The following KIF16B variants were observed in gnomAD, a reference collection of about 807,000 sequenced individuals.
The protein encoded by KIF16B is kinesin family member 16B, also known as kinesin-like protein KIF16B.
In KIF16B, 98 loss-of-function variants were observed where a neutral mutation model predicts 156.3. That is an observed-to-expected ratio of 0.63 (90% CI 0.53 to 0.74). KIF16B has a LOEUF of 0.74. KIF16B is among the 30% of genes least tolerant of loss of function. The pLI, the probability that KIF16B is intolerant of heterozygous loss-of-function variation, is 0.00. For synonymous variants in KIF16B, 564 were observed against 583.7 expected (o/e 0.97, Z 0.49); for missense variants, 1,421 against 1,606.5 (o/e 0.88, Z 1.97).
chr20:16,313,706 A>G (rs961185402), intron 24 of KIF16B, among the ~76,000 whole-genome samples: 7 of 151,874 alleles, frequency 4.6e-5, no homozygotes, highest in Non-Finnish European at 5.9e-5. Context: ...TTTTGTGTCT[A>G]CCTCCTTTTG....
At chr20:16,290,529 A>G (rs955603761) in intron 25 of KIF16B, among the ~76,000 whole-genome samples, 3 of 152,182 alleles carry the variant, frequency 2.0e-5, no homozygotes, top group Non-Finnish European at 2.9e-5. Flanking sequence ...ATACCAGGAG[A>G]GATAACCTGC....
At chr20:16,471,501 G>A (rs1224255085) in intron 12 of KIF16B, among the ~76,000 whole-genome samples, 2 of 152,144 alleles carry the variant, frequency 1.3e-5, no homozygotes, top group East Asian at 3.8e-4. Context: ...ATTTGAATCT[G>A]CCTCACAATG....
At chr20:16,431,386 C>T (rs561780713) in intron 12 of KIF16B, among the ~76,000 whole-genome samples, 1 of 152,294 alleles carries the variant, frequency 6.6e-6, no homozygotes, top group Admixed American at 6.5e-5. Flanking sequence ...CTCACTCACT[C>T]TCATCTTCTG....
At chr20:16,339,459 T>C (rs2064102021) in intron 23 of KIF16B, among the ~76,000 whole-genome samples, 1 of 152,140 alleles carries the variant, frequency 6.6e-6, no homozygotes, top group Admixed American at 6.5e-5. Context: ...ACTGCTTTGG[T>C]GACCTCATCC....
intron 23 of KIF16B, among the ~76,000 whole-genome samples, chr20:16,346,082 C>A (rs911799090): frequency 2.6e-5 from 4 of 152,198 alleles, no homozygotes; most frequent in Admixed American, 2.6e-4. Context: ...ATGTCCGCAA[C>A]TGTGTAACAG....
chr20:16,368,759 C>G, intron 22 of KIF16B: 2 of 985,870 alleles, frequency 2.0e-6, no homozygotes, highest in Non-Finnish European at 2.4e-6. Context: ...TGGGAAATGC[C>G]TTCAGACAGA....
At chr20:16,503,026 T>C (rs1166280572) in intron 10 of KIF16B, among the ~76,000 whole-genome samples, 3 of 152,078 alleles carry the variant, frequency 2.0e-5, no homozygotes, top group African/African-American at 7.2e-5. Flanking sequence ...ACCAGACTGG[T>C]CACGTCGTGA....
At chr20:16,448,329 C>T (rs760017323) in intron 12 of KIF16B, among the ~76,000 whole-genome samples, 12 of 151,934 alleles carry the variant, frequency 7.9e-5, no homozygotes, top group African/African-American at 2.2e-4. Flanking sequence ...GATGCTTCCA[C>T]GTATTATGGA....
At chr20:16,482,373 G>A (rs1035305061) in intron 12 of KIF16B, among the ~76,000 whole-genome samples, 22 of 152,144 alleles carry the variant, frequency 1.4e-4, no homozygotes, top group Non-Finnish European at 2.6e-4. Flanking sequence ...TGATACAAAC[G>A]GAGGGCAAGT....
intron 23 of KIF16B, among the ~76,000 whole-genome samples, chr20:16,345,960 T>C (rs572789680): frequency 6.6e-6 from 1 of 152,364 alleles, no homozygotes; most frequent in South Asian, 2.1e-4. Context: ...CTTCTCCTTC[T>C]GGGGAGCCCA....
In KIF16B at chr20:16,573,038, C is replaced by T. The variant is rs1266403265; in HGVS notation, c.47+191G>A. ...TCTTCTCCTTTACCACCAGGGTCCTCTCCAGGGCAATGTGAACGGGACAGC... is the reference window on the plus strand; with the variant it reads ...TCTTCTCCTTTACCACCAGGGTCCTTTCCAGGGCAATGTGAACGGGACAGC... On this transcript the variant is annotated intron_variant, in intron 1 of 25. Coordinates refer to ENST00000354981, the MANE Select transcript of KIF16B (RefSeq NM_024704.5). Among the ~76,000 whole-genome samples, 7 of 152,354 alleles carry T rather than the reference C, an allele frequency of 4.6e-5. No individual in the cohort carries two copies. In the South Asian group the frequency reaches 1.0e-3, roughly 23 times the overall value.
intron 12 of KIF16B, among the ~76,000 whole-genome samples, chr20:16,470,820 A>C (rs1038602434): frequency 6.6e-6 from 1 of 150,612 alleles, no homozygotes; most frequent in Non-Finnish European, 1.5e-5. Flanking sequence ...GTTTGAACCT[A>C]AAACTGTTCT....
chr20:16,392,214 T>C (rs949259318), intron 17 of KIF16B, among the ~76,000 whole-genome samples: 7 of 152,206 alleles, frequency 4.6e-5, no homozygotes, highest in Admixed American at 4.6e-4. Flanking sequence ...TATTTAATCA[T>C]TTCCTCATAA....
intron 17 of KIF16B, among the ~76,000 whole-genome samples, chr20:16,403,296 ATTAAAC>A (rs1242512690): frequency 6.6e-6 from 1 of 152,220 alleles, no homozygotes; most frequent in African/African-American, 2.4e-5. Context: ...TGTGTATTAT[ATTAAAC>A]TTAAACATTA....
chr20:16,440,982 T>C (rs1423895711), intron 12 of KIF16B, among the ~76,000 whole-genome samples: 1 of 152,114 alleles, frequency 6.6e-6, no homozygotes, highest in Admixed American at 6.6e-5. Context: ...CGTGTGAAAA[T>C]ATGCAAGAGC....
At position 16,428,975 on chromosome 20, in the gene KIF16B, A is replaced by G. The variant is rs376725829; in HGVS notation, c.1452T>C (p.Asp484=). The G allele has an allele frequency of 8.1e-6, 13 of 1,613,368 alleles. No individual in the cohort carries two copies. Among genetic ancestry groups the G allele is most frequent in the African/African-American group, 2.7e-5 (2 of 74,894 alleles). The change falls in exon 14 of 26, where the codon GAT becomes GAC. Residue 484 remains aspartate (D), a synonymous_variant. Transcript: ENST00000354981. ...KEGQTYVGRD[D]ASTEQDIVLH... ...CACCAATATCTTGCTCCGTGGAAGCATCGTCTCTACCAACGTATGTCTGAC... is the reference window on the plus strand; with the variant it reads ...CACCAATATCTTGCTCCGTGGAAGCGTCGTCTCTACCAACGTATGTCTGAC...
intron 15 of KIF16B, among the ~76,000 whole-genome samples, chr20:16,422,276 C>T (rs2066244533): frequency 1.3e-5 from 2 of 152,094 alleles, no homozygotes; most frequent in Admixed American, 1.3e-4. Context: ...ATTTTAAGTT[C>T]TAGACAGTGT....
At chr20:16,432,535 C>T (rs1444534854) in intron 12 of KIF16B, among the ~76,000 whole-genome samples, 5 of 152,180 alleles carry the variant, frequency 3.3e-5, no homozygotes, top group Non-Finnish European at 7.3e-5. Context: ...CTACCATTCG[C>T]TAGGTGATGG....
At chr20:16,400,022 C>G (rs1000619619) in intron 17 of KIF16B, among the ~76,000 whole-genome samples, 1 of 152,198 alleles carries the variant, frequency 6.6e-6, no homozygotes, top group Non-Finnish European at 1.5e-5. Context: ...CCTTTCAATG[C>G]AAGGATGAAT....
Sources: gnomAD v4.1 joint callset for allele counts (sites outside exome capture counted in the v4.1 genomes callset) on GRCh38, gnomAD v4.1.1 for gene constraint, MANE v1.5 for transcripts, NCBI Gene and HGNC (gene_info 2026-07-23, HGNC 2026-07-21) for gene names.